Variants in ZNG1A observed in about 807,000 individuals in gnomAD.
ZNG1A encodes zinc-regulated GTPase metalloprotein activator 1A.
the ZNG1A span, among the ~76,000 whole-genome samples, chr9:155,450 A>C: frequency 0.055 from 8,404 of 152,062 alleles, 300 homozygotes; most frequent in African/African-American, 0.099. Context: ...ACTTCAGAAG[A>C]TATATCAGGA....
the ZNG1A span, among the ~76,000 whole-genome samples, chr9:138,439 T>A: frequency 7.6e-6 from 1 of 131,220 alleles, no homozygotes; most frequent in Non-Finnish European, 1.6e-5. Context: ...TTTTTCCAAT[T>A]CATAAAGTAA....
At chr9:167,499 A>G in the ZNG1A span, 4 of 149,490 alleles carry the variant, frequency 2.7e-5, no homozygotes, top group Admixed American at 6.7e-5. Flanking sequence ...AATGAAGTGT[A>G]TAAGAACCCA....
the ZNG1A span, among the ~76,000 whole-genome samples, chr9:142,644 A>C: frequency 9.7e-6 from 1 of 102,688 alleles, no homozygotes; most frequent in African/African-American, 4.6e-5. Context: ...TAGAAAAGCA[A>C]GAGCAAACAC....
the ZNG1A span, among the ~76,000 whole-genome samples, chr9:177,367 G>T: frequency 2.7e-3 from 415 of 152,124 alleles, no homozygotes; most frequent in African/African-American, 9.7e-3. Context: ...TAGTCAGGAG[G>T]CTTTTAGAGT....
the ZNG1A span, chr9:122,814 A>ACC: frequency 1.1e-6 from 1 of 908,404 alleles, no homozygotes; most frequent in Non-Finnish European, 1.3e-6. Flanking sequence ...AAGTAACGTG[A>ACC]GTGGGTTTCT....
chr9:169,350 T>C, the ZNG1A span, among the ~76,000 whole-genome samples: 1 of 147,396 alleles, frequency 6.8e-6, no homozygotes, highest in Non-Finnish European at 1.5e-5. Flanking sequence ...TAAGAAAACT[T>C]TAACTAATGA....
At chr9:154,692 C>T in the ZNG1A span, 1 of 1,578,830 alleles carries the variant, frequency 6.3e-7, no homozygotes. Flanking sequence ...GCACTTAACA[C>T]ACTTATCATT....
chr9:132,369 A>G, the ZNG1A span, among the ~76,000 whole-genome samples: 22 of 127,184 alleles, frequency 1.7e-4, 1 homozygote, highest in African/African-American at 6.8e-4. Context: ...AAAAAAAAAA[A>G]TACAAAAATT....
the ZNG1A span, chr9:161,432 C>A: frequency 9.2e-6 from 4 of 434,336 alleles, no homozygotes; most frequent in Non-Finnish European, 1.6e-5. Flanking sequence ...GGTGCCACTG[C>A]ACTCCAGCCT....
the ZNG1A span, among the ~76,000 whole-genome samples, chr9:161,154 G>GA: frequency 2.0e-5 from 3 of 148,022 alleles, no homozygotes; most frequent in South Asian, 6.4e-4. Context: ...AAGATTTGGG[G>GA]AAAAAAAGCA....
At chr9:152,318 C>T in the ZNG1A span, among the ~76,000 whole-genome samples, 5 of 152,186 alleles carry the variant, frequency 3.3e-5, no homozygotes, top group Admixed American at 2.0e-4. Context: ...TGCAAAAATT[C>T]GCACAACTGT....
chr9:178,633 G>C, the ZNG1A span, among the ~76,000 whole-genome samples: 3 of 108,394 alleles, frequency 2.8e-5, 1 homozygote, highest in Non-Finnish European at 4.6e-5. Context: ...AGAGGGGGCC[G>C]GGCATCATTA....
At chr9:156,860 T>C in the ZNG1A span, among the ~76,000 whole-genome samples, 1 of 152,182 alleles carries the variant, frequency 6.6e-6, no homozygotes, top group Non-Finnish European at 1.5e-5. Flanking sequence ...GTTCAGATTT[T>C]AGGTATTTTC....
the ZNG1A span, chr9:161,686 T>G: frequency 4.7e-6 from 5 of 1,066,020 alleles, no homozygotes; most frequent in African/African-American, 3.3e-5. Context: ...TTTTACTGTA[T>G]GTAACAACAT....
the ZNG1A span, among the ~76,000 whole-genome samples, chr9:136,844 C>T: frequency 0.04 from 5,999 of 151,814 alleles, 397 homozygotes; most frequent in African/African-American, 0.14. Context: ...TCAAGACGAG[C>T]CTGAGCAACG....
At chr9:161,616 G>T in the ZNG1A span, 2 of 1,286,556 alleles carry the variant, frequency 1.6e-6, no homozygotes, top group South Asian at 2.5e-5. Context: ...TCAGTGGGTG[G>T]GATGATTTCA....
the ZNG1A span, chr9:146,991 A>T: frequency 6.6e-6 from 1 of 151,216 alleles, no homozygotes; most frequent in East Asian, 1.9e-4. Context: ...GGCCATGGAC[A>T]ACGTGGTGAA....
chr9:163,979 A>G, the ZNG1A span: 3 of 1,597,128 alleles, frequency 1.9e-6, no homozygotes, highest in African/African-American at 1.4e-5. Flanking sequence ...TTAACTTACC[A>G]TCAAGATAAA....
chr9:169,927 C>A, the ZNG1A span, among the ~76,000 whole-genome samples: 1 of 115,552 alleles, frequency 8.7e-6, no homozygotes, highest in African/African-American at 3.5e-5. Context: ...TGCAGTGGTG[C>A]AATCATGACT....
Sources: allele counts gnomAD v4.1 joint callset (sites outside exome capture counted in the v4.1 genomes callset), GRCh38; gene constraint gnomAD v4.1.1; transcripts MANE v1.5; gene names NCBI Gene and HGNC (gene_info 2026-07-23, HGNC 2026-07-21).